Variants in ADGRL3 observed in about 807,000 individuals in gnomAD.
ADGRL3 encodes the protein calcium-independent alpha-latrotoxin receptor 3.
In ADGRL3, 62 loss-of-function variants were observed where a neutral mutation model predicts 153.5. The ratio of observed to expected loss-of-function variants is 0.40; its 90% CI spans 0.33 to 0.50. ADGRL3 has a LOEUF of 0.50. Ranked by LOEUF, ADGRL3 falls within the 20% of genes least tolerant of loss-of-function variation. The probability of loss-of-function intolerance (pLI) is 0.47; values close to 1 mark genes in which losing one functional copy is unlikely to be tolerated. For synonymous variants in ADGRL3, 710 were observed against 672.5 expected, an observed-to-expected ratio of 1.06 and a Z score of -0.86; for missense variants, 1,641 against 1,859.4, an observed-to-expected ratio of 0.88 and a Z score of 2.16.
rs565358281 is a variant in ADGRL3 at position 61,267,001 on chromosome 4, C to A, written c.-240+65236C>A. On this transcript the variant is annotated intron_variant, in intron 1 of 26. Coordinates refer to ENST00000683033, the MANE Select transcript of ADGRL3 (RefSeq NM_001387552.1). ...TTTTAAATTTAGTCTTAGTATTAGA[C>A]TTTGTCAAAGTATTATAATACTGAG... is the stretch of plus-strand genomic sequence containing the variant. Among the ~76,000 whole-genome samples, 4 of 151,502 alleles carry A rather than the reference C, an allele frequency of 2.6e-5. No individual in the cohort carries two copies. The South Asian group carries it at 8.3e-4, about 32-fold the overall frequency.
intron 3 of ADGRL3, among the ~76,000 whole-genome samples, chr4:61,505,862 C>T (rs1166123597): frequency 6.6e-6 from 1 of 151,802 alleles, no homozygotes; most frequent in African/African-American, 2.4e-5. Flanking sequence ...CAGCAGAGAA[C>T]CTGGTGTTTT....
chr4:61,292,295 G>T (rs568943676), intron 1 of ADGRL3, among the ~76,000 whole-genome samples: 1 of 152,100 alleles, frequency 6.6e-6, no homozygotes, highest in East Asian at 1.9e-4. Context: ...TTAATTTTGT[G>T]TGTTTACTTC....
chr4:61,858,818 C>T (rs1293649079), intron 9 of ADGRL3, among the ~76,000 whole-genome samples: 2 of 152,010 alleles, frequency 1.3e-5, no homozygotes, highest in Admixed American at 1.3e-4. Context: ...TTTGCTGACC[C>T]TTGATCTAGA....
At chr4:61,701,912 C>T (rs185412617) in intron 6 of ADGRL3, among the ~76,000 whole-genome samples, 41 of 151,762 alleles carry the variant, frequency 2.7e-4, no homozygotes, top group African/African-American at 8.0e-4. Context: ...TTAAAGAAGG[C>T]GGTACTGAGA....
At chr4:61,857,057 CCT>C (rs1296514212) in intron 9 of ADGRL3, among the ~76,000 whole-genome samples, 3 of 145,158 alleles carry the variant, frequency 2.1e-5, no homozygotes, top group African/African-American at 2.6e-5. Context: ...TCCCTCCCTC[CCT>C]CTCTCTCTCT....
At chr4:61,588,741 T>C (rs1040108961) in intron 5 of ADGRL3, among the ~76,000 whole-genome samples, 3 of 152,074 alleles carry the variant, frequency 2.0e-5, no homozygotes, top group Non-Finnish European at 4.4e-5. Flanking sequence ...CTAAATGCTA[T>C]GCCTGAAAGA....
chr4:61,385,927 CTCTT>C (rs776260991), intron 2 of ADGRL3, among the ~76,000 whole-genome samples: 11 of 152,136 alleles, frequency 7.2e-5, no homozygotes, highest in Non-Finnish European at 1.5e-4. Flanking sequence ...ATGTATCTAT[CTCTT>C]TCTTTCACTT....
At chr4:61,230,281 C>A (rs73214513) in intron 1 of ADGRL3, among the ~76,000 whole-genome samples, 5,456 of 152,114 alleles carry the variant, frequency 0.036, 357 homozygotes, top group African/African-American at 0.12. Flanking sequence ...TATTATTGTT[C>A]CTGTATTACA....
intron 5 of ADGRL3, among the ~76,000 whole-genome samples, chr4:61,640,995 T>G (rs1349040421): frequency 4.6e-5 from 7 of 152,176 alleles, no homozygotes; most frequent in African/African-American, 1.7e-4. Context: ...CACTATATAT[T>G]GTTTCCACTT....
At chr4:61,506,100 C>A (rs72636181) in intron 3 of ADGRL3, among the ~76,000 whole-genome samples, 5,530 of 152,072 alleles carry the variant, frequency 0.036, 165 homozygotes, top group East Asian at 0.17. Flanking sequence ...AACTCCAGTT[C>A]TATTACTTCC....
In ADGRL3 at chr4:61,711,461, TATATATATATATA is replaced by T. The variant is rs2095983826; in HGVS notation, c.584-19160_584-19148del. Among the ~76,000 whole-genome samples, 8 of 70,112 alleles carry T rather than the reference TATATATATATATA, an allele frequency of 1.1e-4. 2 individuals are homozygous for T. Among genetic ancestry groups the T allele is most frequent in the East Asian group, 6.5e-4 (1 of 1,536 alleles). 46.0% of individuals were successfully genotyped at this position (70,112 alleles called of 152,430 possible). On this transcript the variant is annotated intron_variant, in intron 6 of 26. Coordinates refer to ENST00000683033, the MANE Select transcript of ADGRL3 (RefSeq NM_001387552.1). ...CTATCTTAAAACATATGCTTCATTA[TATATATATATATA>T]TATATATATATATATATACACACAC...
intron 5 of ADGRL3, among the ~76,000 whole-genome samples, chr4:61,612,309 C>T (rs968274970): frequency 5.3e-5 from 8 of 152,024 alleles, no homozygotes; most frequent in Non-Finnish European, 1.0e-4. Context: ...TGTTGGGAAG[C>T]CTTCTCTCTT....
intron 5 of ADGRL3, among the ~76,000 whole-genome samples, chr4:61,631,258 C>T (rs1304353888): frequency 1.3e-5 from 2 of 152,094 alleles, no homozygotes; most frequent in African/African-American, 4.8e-5. Flanking sequence ...ATAGTCATAA[C>T]CAGTGATGTA....
intron 8 of ADGRL3, among the ~76,000 whole-genome samples, chr4:61,784,313 C>T (rs2097252132): frequency 6.6e-6 from 1 of 152,106 alleles, no homozygotes; most frequent in African/African-American, 2.4e-5. Flanking sequence ...AAGTCCTCTG[C>T]TTAGGTTTTT....
chr4:61,210,300 C>T (rs1210702152), intron 1 of ADGRL3, among the ~76,000 whole-genome samples: 1 of 152,122 alleles, frequency 6.6e-6, no homozygotes, highest in Non-Finnish European at 1.5e-5. Flanking sequence ...AGAAACGACA[C>T]TCCCTCCTGT....
At chr4:61,664,176 A>T (rs1227860688) in intron 5 of ADGRL3, among the ~76,000 whole-genome samples, 9 of 152,222 alleles carry the variant, frequency 5.9e-5, no homozygotes, top group Admixed American at 5.9e-4. Flanking sequence ...GATATGTAGT[A>T]AATATATGAG....
chr4:61,845,616 T>C (rs1380868334), intron 9 of ADGRL3, among the ~76,000 whole-genome samples: 1 of 151,668 alleles, frequency 6.6e-6, no homozygotes, highest in East Asian at 2.0e-4. Flanking sequence ...CCCTCCCTCC[T>C]GGGCCTCCGA....
chr4:61,398,209 A>G (rs1488993679), intron 2 of ADGRL3, among the ~76,000 whole-genome samples: 1 of 151,912 alleles, frequency 6.6e-6, no homozygotes, highest in Non-Finnish European at 1.5e-5. Context: ...AAATATGATT[A>G]AAGAGTATTT....
At chr4:61,619,838 G>C (rs1009475840) in intron 5 of ADGRL3, among the ~76,000 whole-genome samples, 1 of 152,140 alleles carries the variant, frequency 6.6e-6, no homozygotes, top group Non-Finnish European at 1.5e-5. Flanking sequence ...TGAACTCTGT[G>C]TTATGGAGGA....
Sources: allele counts gnomAD v4.1 joint callset (sites outside exome capture counted in the v4.1 genomes callset), GRCh38; gene constraint gnomAD v4.1.1; transcripts MANE v1.5; gene names NCBI Gene and HGNC (gene_info 2026-07-23, HGNC 2026-07-21).